MED27: variants seen among roughly 807,000 people sequenced by gnomAD.
MED27 encodes mediator of RNA polymerase II transcription subunit 27.
A neutral mutation model predicts 38.2 loss-of-function variants in MED27; 30 were observed. The observed-to-expected ratio is 0.79, with a 90% CI of 0.59 to 1.07. The LOEUF (loss-of-function observed/expected upper bound fraction) is 1.07. Among genes scored for constraint, MED27 ranks in the 50% least tolerant of loss-of-function variants. The probability of loss-of-function intolerance (pLI) is 0.00; values close to 1 mark genes in which losing one functional copy is unlikely to be tolerated. For missense variants in MED27, 289 were observed against 397.5 expected (o/e 0.73, Z 2.32); for synonymous variants, 122 against 153.5 (o/e 0.79, Z 1.52).
At chr9:131,955,067 C>T (rs1233999205) in intron 3 of MED27, among the ~76,000 whole-genome samples, 3 of 152,052 alleles carry the variant, frequency 2.0e-5, no homozygotes, top group African/African-American at 7.2e-5. Flanking sequence ...TAAGCCGGGT[C>T]TCGAAACATG....
At chr9:131,972,649 G>C (rs1225062369) in intron 3 of MED27, among the ~76,000 whole-genome samples, 1 of 152,214 alleles carries the variant, frequency 6.6e-6, no homozygotes, top group African/African-American at 2.4e-5. Context: ...GCTGAATGAA[G>C]AGAGACTCAG....
chr9:131,895,282 G>A (rs927806806), intron 4 of MED27, among the ~76,000 whole-genome samples: 1 of 152,132 alleles, frequency 6.6e-6, no homozygotes, highest in African/African-American at 2.4e-5. Flanking sequence ...GGACCCACCC[G>A]CCCATAGTGC....
chr9:131,957,646 T>A (rs1831131768), intron 3 of MED27, among the ~76,000 whole-genome samples: 1 of 152,158 alleles, frequency 6.6e-6, no homozygotes, highest in African/African-American at 2.4e-5. Context: ...CATTGTGGTA[T>A]ATCCATACAA....
rs79286241 is a variant in MED27, at chr9:131,917,558, G to C, written c.573+21823C>G. ...CAGGAGATGAGAGCAGTGAAGATGG[G>C]GTGGGGGGCTAGTGTGCAGGGACGA... On this transcript the variant is annotated intron_variant, in intron 4 of 7. Transcript: ENST00000292035. This position sits in a 1 kb window ranked among gnomAD's most constrained non-coding sequence, Gnocchi z 4.6. Among the ~76,000 whole-genome samples, 1,036 of 152,146 alleles carry C rather than the reference G, an allele frequency of 6.8e-3. 15 individuals carry two copies. Among genetic ancestry groups the C allele is most frequent in the African/African-American group, 0.024 (989 of 41,500 alleles).
chr9:131,925,737 G>T (rs1384394141), intron 4 of MED27, among the ~76,000 whole-genome samples: 4 of 152,170 alleles, frequency 2.6e-5, no homozygotes, highest in Non-Finnish European at 4.4e-5. Context: ...TCCAAAACAG[G>T]AGAGAGAATG....
intron 4 of MED27, among the ~76,000 whole-genome samples, chr9:131,909,687 A>G (rs1830153633): frequency 6.6e-6 from 1 of 152,220 alleles, no homozygotes; most frequent in Non-Finnish European, 1.5e-5. Context: ...ATTAATATGA[A>G]TGGAAAAATA....
chr9:132,012,132 T>G (rs1832498622), intron 3 of MED27, among the ~76,000 whole-genome samples: 1 of 152,212 alleles, frequency 6.6e-6, no homozygotes, highest in African/African-American at 2.4e-5. Context: ...ACAAATACTT[T>G]TTGGCTCCAG....
intron 4 of MED27, among the ~76,000 whole-genome samples, chr9:131,895,192 A>C (rs897494681): frequency 6.6e-6 from 1 of 152,204 alleles, no homozygotes; most frequent in African/African-American, 2.4e-5. Flanking sequence ...GATGAAGACG[A>C]GGGGCTCACG....
intron 4 of MED27, among the ~76,000 whole-genome samples, chr9:131,930,309 A>C (rs1279903782): frequency 2.0e-5 from 3 of 152,194 alleles, no homozygotes; most frequent in Non-Finnish European, 4.4e-5. Context: ...CAAGGCATTT[A>C]ATAATCAAAC....
At position 131,982,975 on chromosome 9, in the gene MED27, G is replaced by A. The variant is rs1024029323; in HGVS notation, c.479+31362C>T. ...CACCACCTGAGGATTTTGTTAAAAT[G>A]TAGATTCGCATTCAGGAGGATCTGT... On this transcript the variant is annotated intron_variant, in intron 3 of 7. Transcript: ENST00000292035. The surrounding 1 kb of genome is among the most constrained non-coding windows in gnomAD (Gnocchi z 4.3). Among the ~76,000 whole-genome samples, 1 of 152,188 alleles carries A rather than the reference G, an allele frequency of 6.6e-6. No individual in the cohort carries two copies. Among genetic ancestry groups the A allele is most frequent in the Non-Finnish European group, 1.5e-5 (1 of 68,024 alleles).
intron 4 of MED27, among the ~76,000 whole-genome samples, chr9:131,927,220 C>G (rs904813681): frequency 6.6e-6 from 1 of 152,152 alleles, no homozygotes; most frequent in Admixed American, 6.5e-5. Context: ...CGAAACAGAG[C>G]AGACAGCACC....
At chr9:131,984,483 C>T (rs560664332) in intron 3 of MED27, among the ~76,000 whole-genome samples, 29 of 152,256 alleles carry the variant, frequency 1.9e-4, no homozygotes, top group Middle Eastern at 6.8e-3. Flanking sequence ...AGGGTCCCTC[C>T]TTCACAGGGA....
intron 2 of MED27, among the ~76,000 whole-genome samples, chr9:132,022,322 C>T (rs755378263): frequency 1.4e-4 from 21 of 152,190 alleles, no homozygotes; most frequent in Non-Finnish European, 2.4e-4. Context: ...GATTGTGCAT[C>T]TGATCTTTCA....
chr9:131,874,603 C>T (rs1052338024), intron 6 of MED27, among the ~76,000 whole-genome samples: 2 of 152,156 alleles, frequency 1.3e-5, no homozygotes, highest in Non-Finnish European at 2.9e-5. Flanking sequence ...GGGGCCTGGG[C>T]AAACAGGGAA....
At chr9:131,947,324 T>C (rs923717428) in intron 3 of MED27, among the ~76,000 whole-genome samples, 2 of 152,210 alleles carry the variant, frequency 1.3e-5, no homozygotes, top group Non-Finnish European at 2.9e-5. Flanking sequence ...TCCAGCTTGA[T>C]ATGCAGCTCC....
At chr9:131,877,868 A>G (rs1055621368) in intron 6 of MED27, among the ~76,000 whole-genome samples, 1 of 152,188 alleles carries the variant, frequency 6.6e-6, no homozygotes, top group Non-Finnish European at 1.5e-5. Flanking sequence ...TTTTCAGAGA[A>G]CTGAGTCTTC....
chr9:131,956,614 CAAAAA>C (rs754763103), intron 3 of MED27, among the ~76,000 whole-genome samples: 1 of 64,564 alleles, frequency 1.5e-5, no homozygotes, highest in African/African-American at 5.7e-5. Flanking sequence ...GACTCCGCCT[CAAAAA>C]AAAAAAAAAA....
intron 6 of MED27, among the ~76,000 whole-genome samples, chr9:131,880,080 G>C (rs1839009775): frequency 6.6e-6 from 1 of 152,242 alleles, no homozygotes; most frequent in South Asian, 2.1e-4. Context: ...GCTGGCCACT[G>C]AGATGAACAC....
At chr9:132,053,570 G>A (rs972535946) in intron 2 of MED27, among the ~76,000 whole-genome samples, 9 of 152,170 alleles carry the variant, frequency 5.9e-5, no homozygotes, top group East Asian at 1.9e-4. Context: ...ACACTATCCC[G>A]TTTCACAAGA....
Sources: allele counts gnomAD v4.1 joint callset (sites outside exome capture counted in the v4.1 genomes callset), GRCh38; gene constraint gnomAD v4.1.1; non-coding constraint Gnocchi (gnomAD v3.1); transcripts MANE v1.5; gene names NCBI Gene and HGNC (gene_info 2026-07-23, HGNC 2026-07-21).